Variants in LRRFIP1 observed in about 807,000 individuals in gnomAD.
LRRFIP1 encodes leucine-rich repeat flightless-interacting protein 1.
A neutral mutation model predicts 104.4 loss-of-function variants in LRRFIP1; 62 were observed. The ratio of observed to expected loss-of-function variants is 0.59; its 90% CI spans 0.48 to 0.73. The LOEUF is 0.73. Among genes scored for constraint, LRRFIP1 ranks in the 30% least tolerant of loss-of-function variants. The probability of loss-of-function intolerance (pLI) is 0.00; values close to 1 mark genes in which losing one functional copy is unlikely to be tolerated. For synonymous variants in LRRFIP1, 300 were observed against 299.0 expected, an observed-to-expected ratio of 1.00 and a Z score of -0.03; for missense variants, 796 against 824.5, an observed-to-expected ratio of 0.97 and a Z score of 0.42.
At position 237,717,344 on chromosome 2, in the gene LRRFIP1, A is replaced by G. The variant is rs544659542; in HGVS notation, c.202-418A>G. 9.8e-5 allele frequency among the ~76,000 whole-genome samples: 15 copies of G among 152,292 alleles called. No homozygotes were observed. The highest frequency in any genetic ancestry group is 6.8e-3 in the Middle Eastern group (2 of 294). The stretch of plus-strand genomic sequence containing the variant: ...TCCTCTCAGTTTCCCTGAGGTCCCA[A>G]CACCGGAATGGCTCTGAGCTTCTGC... On this transcript the variant is annotated intron_variant, in intron 3 of 23. Transcript: ENST00000308482. The surrounding 1 kb of genome is among the most constrained non-coding windows in gnomAD (Gnocchi z 4.2).
chr2:237,716,222 G>A (rs2094327541), intron 3 of LRRFIP1, among the ~76,000 whole-genome samples: 1 of 152,180 alleles, frequency 6.6e-6, no homozygotes, highest in African/African-American at 2.4e-5. Context: ...AACTTGGCAG[G>A]TGCTAACATT....
chr2:237,758,067 A>T (rs1475312339), intron 17 of LRRFIP1, among the ~76,000 whole-genome samples: 1 of 152,150 alleles, frequency 6.6e-6, no homozygotes, highest in African/African-American at 2.4e-5. Context: ...AGAACCCCAC[A>T]AAGTAGTTGT....
In LRRFIP1 at chr2:237,649,987, T is replaced by C. The variant is rs748886987; in HGVS notation, c.96+22247T>C. ...TTTTTACTTAGCACATTCCCTGTGC[T>C]GGGGACTTCCCCGGGCACTGGGGAC... On this transcript the variant is annotated intron_variant, in intron 1 of 23. Coordinates refer to ENST00000308482, the MANE Select transcript of LRRFIP1 (RefSeq NM_001137550.2). This position sits in a 1 kb window ranked among gnomAD's most constrained non-coding sequence, Gnocchi z 4.1. Among the ~76,000 whole-genome samples, 7 of 152,110 alleles carry C rather than the reference T, an allele frequency of 4.6e-5. 1 individual carries two copies. The highest frequency in any genetic ancestry group is 1.0e-4 in the Non-Finnish European group (7 of 67,968).
chr2:237,764,764 C>T, intron 19 of LRRFIP1: 2 of 986,160 alleles, frequency 2.0e-6, no homozygotes, highest in Non-Finnish European at 2.4e-6. Context: ...TTGCCTTTAC[C>T]TCATATGAGT....
At chr2:237,776,710 A>G (rs1323367897) in intron 23 of LRRFIP1, among the ~76,000 whole-genome samples, 1 of 152,100 alleles carries the variant, frequency 6.6e-6, no homozygotes, top group East Asian at 1.9e-4. Context: ...ACGTGGCCGC[A>G]TCAGCTTTCT....
intron 1 of LRRFIP1, among the ~76,000 whole-genome samples, chr2:237,655,992 TG>T (rs1402913293): frequency 6.6e-6 from 1 of 152,262 alleles, no homozygotes; most frequent in Non-Finnish European, 1.5e-5. Flanking sequence ...CTGAATCAAC[TG>T]TCAGTCTTTT....
At chr2:237,676,014 G>T (rs923748458) in intron 1 of LRRFIP1, among the ~76,000 whole-genome samples, 1 of 152,098 alleles carries the variant, frequency 6.6e-6, no homozygotes, top group Non-Finnish European at 1.5e-5. Flanking sequence ...CCATTTTTAG[G>T]TGTAAAGTTC....
At chr2:237,779,338 G>T in intron 23 of LRRFIP1, 84 bp from the exon 24 acceptor site, 2 of 1,509,074 alleles carry the variant, frequency 1.3e-6, no homozygotes, top group Admixed American at 2.2e-5. Context: ...TTTTCAGTAG[G>T]ATTGGAATTT....
chr2:237,779,894 T>TC lies in LRRFIP1; in HGVS notation c.*363dup, dbSNP rs1491294393. On this transcript the variant is annotated 3_prime_UTR_variant, in exon 24 of 24. Transcript: ENST00000308482. Reference sequence around the variant, plus strand: ...TTGGGACTTGAGTTTTTTTTTTTTTTCATGTGTCTTGCTGAAGATTAAGGG... The same window carrying TC: ...TTGGGACTTGAGTTTTTTTTTTTTTTCCATGTGTCTTGCTGAAGATTAAGGG... The TC allele has an allele frequency of 2.4e-5, 4 of 167,692 alleles. No individual in the cohort carries two copies. Among genetic ancestry groups the TC allele is most frequent in the African/African-American group, 9.7e-5 (4 of 41,048 alleles). 10.4% of individuals were successfully genotyped at this position (167,692 alleles called of 1,614,324 possible).
At chr2:237,720,374 A>G (rs2094496740) in intron 5 of LRRFIP1, among the ~76,000 whole-genome samples, 1 of 151,980 alleles carries the variant, frequency 6.6e-6, no homozygotes, top group South Asian at 2.1e-4. Context: ...CAGCCTCCTG[A>G]GTACCTGGGA....
At chr2:237,664,689 A>G (rs917652529) in intron 1 of LRRFIP1, among the ~76,000 whole-genome samples, 18 of 152,106 alleles carry the variant, frequency 1.2e-4, no homozygotes, top group African/African-American at 3.9e-4. Flanking sequence ...TTTCTACCCA[A>G]CGGCTGCATA....
chr2:237,724,545 A>C (rs1349767865), intron 7 of LRRFIP1, among the ~76,000 whole-genome samples: 2 of 152,148 alleles, frequency 1.3e-5, no homozygotes, highest in Admixed American at 6.6e-5. Context: ...GCACAAAGAC[A>C]GGGCGTTAGA....
At chr2:237,684,234 G>A (rs890025692) in intron 1 of LRRFIP1, 2 of 151,406 alleles carry the variant, frequency 1.3e-5, no homozygotes, top group Non-Finnish European at 2.9e-5. Context: ...CACTTTGGGA[G>A]GCCGAGGCGG....
At chr2:237,633,837 C>T (rs1179379621) in intron 1 of LRRFIP1, among the ~76,000 whole-genome samples, 1 of 152,120 alleles carries the variant, frequency 6.6e-6, no homozygotes, top group Non-Finnish European at 1.5e-5. Flanking sequence ...CCTCCAAGAC[C>T]CCATTCAGGC....
Position 237,714,253 on chromosome 2 carries a change from C to G in LRRFIP1, c.184-6C>G. On this transcript the variant is annotated splice_region_variant and splice_polypyrimidine_tract_variant and intron_variant, in intron 2 of 23. Coordinates refer to ENST00000308482, the MANE Select transcript of LRRFIP1 (RefSeq NM_001137550.2). The stretch of plus-strand genomic sequence containing the variant: ...CATTTCTTTTTTCTTCTGTCCTTCT[C>G]TATAGATCTATCAGGTCCAAAAGGT... The G allele has an allele frequency of 1.9e-6, 3 of 1,592,888 alleles. No individual in the cohort carries two copies. Among genetic ancestry groups the G allele is most frequent in the Non-Finnish European group, 2.6e-6 (3 of 1,165,108 alleles).
At chr2:237,650,937 G>T (rs7603218) in intron 1 of LRRFIP1, among the ~76,000 whole-genome samples, 91,311 of 151,966 alleles carry the variant, frequency 0.6, 28,006 homozygotes, top group African/African-American at 0.72. Flanking sequence ...CTGGGCACTC[G>T]GCCCTCAGGC....
intron 6 of LRRFIP1, 157 bp downstream of exon 6, chr2:237,720,979 G>T (rs1296411180): frequency 1.4e-5 from 9 of 657,834 alleles, no homozygotes; most frequent in Non-Finnish European, 1.9e-5. Context: ...ATCAATGGGG[G>T]ATGTTTCTTT....
At chr2:237,725,057 C>T (rs1483184353) in intron 7 of LRRFIP1, among the ~76,000 whole-genome samples, 1 of 152,188 alleles carries the variant, frequency 6.6e-6, no homozygotes, top group African/African-American at 2.4e-5. Flanking sequence ...CATTAGCATT[C>T]GGACTAGTCA....
rs1450573043 is a variant in LRRFIP1 at position 237,691,018 on chromosome 2, C to T, written c.97-17526C>T. Reference sequence around the variant, plus strand: ...TCCTCAGCACCCATTTTCCCTGCTGCACACCCTCCTGACAACTCCTGCCCT... The same window carrying T: ...TCCTCAGCACCCATTTTCCCTGCTGTACACCCTCCTGACAACTCCTGCCCT... On this transcript the variant is annotated intron_variant, in intron 1 of 23. Transcript: ENST00000308482. This position sits in a 1 kb window ranked among gnomAD's most constrained non-coding sequence, Gnocchi z 5.4. Among the ~76,000 whole-genome samples the T allele has an allele frequency of 1.3e-5, 2 of 151,744 alleles. No homozygotes were observed. Among genetic ancestry groups the T allele is most frequent in the African/African-American group, 4.9e-5 (2 of 41,052 alleles).
Sources: allele counts gnomAD v4.1 joint callset (sites outside exome capture counted in the v4.1 genomes callset), GRCh38; gene constraint gnomAD v4.1.1; non-coding constraint Gnocchi (gnomAD v3.1); transcripts MANE v1.5; gene names NCBI Gene and HGNC (gene_info 2026-07-23, HGNC 2026-07-21).